ABCA6: variants seen among roughly 807,000 people sequenced by gnomAD.
ABCA6 encodes ATP binding cassette subfamily A member 6.
ABCA6 carries 164 observed loss-of-function variants against 191.2 expected under a neutral mutation model. The ratio of observed to expected loss-of-function variants is 0.86; its 90% confidence interval spans 0.76 to 0.98. The LOEUF (loss-of-function observed/expected upper bound fraction) is 0.98. Among genes scored for constraint, ABCA6 ranks in the 50% least tolerant of loss-of-function variants. The pLI, the probability that ABCA6 is intolerant of heterozygous loss-of-function variation, is 0.00. For missense variants in ABCA6, 1,958 were observed against 1,894.1 expected (o/e 1.03, Z -0.63); for synonymous variants, 636 against 647.7 (o/e 0.98, Z 0.27).
chr17:69,114,862 C>T lies in ABCA6; in HGVS notation c.1682G>A (p.Cys561Tyr), dbSNP rs1382366163. 1.2e-6 allele frequency: 2 copies of T among 1,612,518 alleles called. No individual in the cohort carries two copies. Among genetic ancestry groups the T allele is most frequent in the East Asian group, 2.2e-5 (1 of 44,822 alleles). ...GTCAAATTGAACATTGAATTGAGGA[C>T]AGACGCCAGTTATCTTTCTGATTTC... Reference protein sequence around the residue: ...LEEIRKITGVCPQFNVQFDIL... With the variant: ...LEEIRKITGVYPQFNVQFDIL... Residue 561 changes from cysteine (C) to tyrosine (Y), a missense_variant, in exon 13 of 39, where the codon TGT (cysteine) becomes TAT (tyrosine). Cys to Tyr is a radical substitution (Grantham distance 194). Coordinates refer to ENST00000284425, the MANE Select transcript of ABCA6 (RefSeq NM_080284.3).
chr17:69,082,882 C>T lies in ABCA6; in HGVS notation c.4607G>A (p.Gly1536Glu). The T allele has an allele frequency of 2.5e-6, 4 of 1,614,154 alleles. No homozygotes were observed. Among genetic ancestry groups the T allele is most frequent in the Middle Eastern group, 1.6e-4 (1 of 6,062 alleles). The change falls in exon 36 of 39, where the codon GGG becomes GAG. Residue 1536 changes from glycine to glutamate, a missense_variant. Physicochemically the swap from Gly to Glu is moderately conservative, Grantham distance 98 (BLOSUM62 -2). Coordinates refer to ENST00000284425, the MANE Select transcript of ABCA6 (RefSeq NM_080284.3). ...EILKLFPQAA[G>E]QERYSSLLTY... is the part of the protein sequence containing the mutation. ...CAAAAGCCCGTCTCACCTTTCCTGC[C>T]CTGCAGCCTGTGGGAAAAGCTTCAG...
rs184999513 is a variant in ABCA6 at position 69,096,903 on chromosome 17, T to C, written c.3121-102A>G. The stretch of plus-strand genomic sequence containing the variant: ...ATTGGAAGAATTTTTAAGATAAATA[T>C]AATCTAATCTTCTAATATTAAAAAA... On this transcript the variant is annotated intron_variant, in intron 23 of 38. Transcript: ENST00000284425. 3,980 of 1,005,262 alleles carry C rather than the reference T, an allele frequency of 4.0e-3. 17 individuals carry two copies. The highest frequency in any genetic ancestry group is 5.0e-3 in the Non-Finnish European group (3,633 of 723,680). 62.3% of individuals were successfully genotyped at this position (1,005,262 alleles called of 1,614,324 possible). A position where few individuals can be genotyped will look rare whatever the true frequency, so the allele number is the denominator to read the frequency against.
Position 69,117,966 on chromosome 17 carries a change from C to T in ABCA6, c.1437-10G>A, listed in dbSNP as rs777553071. The T allele has an allele frequency of 2.5e-6, 4 of 1,578,066 alleles. No individual in the cohort carries two copies. In the East Asian group the frequency reaches 6.8e-5, roughly 27 times the overall value. On this transcript the variant is annotated splice_polypyrimidine_tract_variant and intron_variant, in intron 10 of 38. Transcript: ENST00000284425. ...CTTAACATTTCTGATTCTGAAATAA[C>T]AAAAAGGGTGCTTACTTAGCCAACA...
chr17:69,098,084 T>A, intron 22 of ABCA6, 57 bp from the exon 23 acceptor site: 1 of 1,303,712 alleles, frequency 7.7e-7, no homozygotes, highest in South Asian at 1.4e-5. Flanking sequence ...AAACAAATAA[T>A]TATAGCCACA....
intron 21 of ABCA6, 32 bp from the exon 22 acceptor site, chr17:69,100,966 G>C (rs1376837312): frequency 1.3e-6 from 2 of 1,531,312 alleles, no homozygotes; most frequent in South Asian, 2.4e-5. Flanking sequence ...TAATGTTAAT[G>C]CTAAATTCTT....
In ABCA6 at chr17:69,113,616, A is replaced by C. The variant is rs1339138386; in HGVS notation, c.1902+2T>G. 1 of 1,612,880 alleles carries C rather than the reference A, an allele frequency of 6.2e-7. No individual in the cohort carries two copies. The highest frequency in any genetic ancestry group is 8.5e-7 in the Non-Finnish European group (1 of 1,179,292). ...TCCTTCCCCATGCATAATCTCACTT[A>C]CTTGAGGATCTCCTAAAATGGTAAT... On this transcript the variant is annotated splice_donor_variant, in intron 14 of 38. Coordinates refer to ENST00000284425, the MANE Select transcript of ABCA6 (RefSeq NM_080284.3). LOFTEE classifies it high-confidence loss of function.
chr17:69,137,717 A>C (rs2073972491), intron 2 of ABCA6, among the ~76,000 whole-genome samples: 3 of 152,212 alleles, frequency 2.0e-5, no homozygotes, highest in African/African-American at 7.2e-5. Flanking sequence ...AAACTTTTGC[A>C]TTAAATCATG....
rs534384690 is a variant in ABCA6, at chr17:69,098,731, A to G, written c.3013-704T>C. On this transcript the variant is annotated intron_variant, in intron 22 of 38. Transcript: ENST00000284425. ...ATAAACCAGTTACAAAAAGACAAAT[A>G]TTCCACTTATATAAGGTTTCTAAAC... 6 of 152,206 alleles carry G rather than the reference A, an allele frequency of 3.9e-5. No individual in the cohort carries two copies. The South Asian group carries it at 1.0e-3, about 26-fold the overall frequency. The allele number at this position is 152,206 out of a possible 1,614,324, so 9.4% of individuals were successfully genotyped here.
At chr17:69,136,591 C>A (rs776365199) in intron 3 of ABCA6, among the ~76,000 whole-genome samples, 2 of 152,106 alleles carry the variant, frequency 1.3e-5, no homozygotes, top group South Asian at 4.1e-4. Context: ...GTCAGGGATT[C>A]CTTATTTCAG....
At chr17:69,096,218 T>C in intron 25 of ABCA6, 22 bp downstream of exon 25, 1 of 1,185,738 alleles carries the variant, frequency 8.4e-7, no homozygotes. Context: ...TATTTCTCTA[T>C]TTGTATGTAT....
At chr17:69,110,998 A>G in intron 16 of ABCA6, 58 bp from the exon 17 acceptor site, 4 of 1,501,670 alleles carry the variant, frequency 2.7e-6, no homozygotes, top group Non-Finnish European at 3.6e-6. Context: ...ATCACAAAAG[A>G]AGAGCTTTAA....
intron 34 of ABCA6, among the ~76,000 whole-genome samples, 187 bp downstream of exon 34, chr17:69,084,074 T>C (rs1328224555): frequency 6.6e-6 from 1 of 152,220 alleles, no homozygotes; most frequent in Non-Finnish European, 1.5e-5. Context: ...CTTTTTAACC[T>C]GAATACCACG....
At chr17:69,082,328 AACACACACACAC>A (rs61523425) in intron 36 of ABCA6, among the ~76,000 whole-genome samples, 14 of 144,792 alleles carry the variant, frequency 9.7e-5, no homozygotes, top group African/African-American at 2.8e-4. Flanking sequence ...GACATACACA[AACACACACACAC>A]ACACACACAC....
At position 69,138,982 on chromosome 17, in the gene ABCA6, C is replaced by T. The variant is rs1164433849; in HGVS notation, c.97-1482G>A. Among the ~76,000 whole-genome samples, 4 of 152,200 alleles carry T rather than the reference C, an allele frequency of 2.6e-5. No individual in the cohort carries two copies. The East Asian group carries it at 7.7e-4, about 29-fold the overall frequency. ...AAAGACTTAAACGTTAGACCTAAAA[C>T]CATAAAAACCCTAGAAGAAAACCTA... On this transcript the variant is annotated intron_variant, in intron 2 of 38. Transcript: ENST00000284425.
intron 8 of ABCA6, among the ~76,000 whole-genome samples, chr17:69,127,058 G>A (rs549985204): frequency 1.2e-4 from 18 of 152,304 alleles, no homozygotes; most frequent in African/African-American, 4.3e-4. Context: ...GGAAAGGATA[G>A]TCTAGTTGAT....
intron 17 of ABCA6, 31 bp from the exon 18 acceptor site, chr17:69,107,843 G>A: frequency 7.7e-7 from 1 of 1,296,842 alleles, no homozygotes; most frequent in South Asian, 1.2e-5. Flanking sequence ...TAGATACTTT[G>A]GAAAACCACA....
At position 69,137,454 on chromosome 17, in the gene ABCA6, G is replaced by A; in HGVS notation, c.143C>T (p.Ser48Phe). 6.2e-7 allele frequency: 1 copy of A among 1,613,620 alleles called. No homozygotes were observed. Among genetic ancestry groups the A allele is most frequent in the Non-Finnish European group, 8.5e-7 (1 of 1,179,754 alleles). Residue 48 changes from serine (S) to phenylalanine (F), a missense_variant, in exon 3 of 39, where the codon TCC becomes TTC. Ser to Phe is a radical substitution (Grantham distance 155). Transcript: ENST00000284425. ...AAACTGGACATTTCTCATGGAACTG[G>A]AAAACAGAGCAATACACAGTCCTAG... is the stretch of plus-strand genomic sequence containing the variant. ...ILLGLCIALF[S>F]SSMRNVQFPG...
rs1038707587 is a variant in ABCA6 at position 69,106,096 on chromosome 17, C to T, written c.2505G>A (p.Met835Ile). The change falls in exon 19 of 39, where the codon ATG becomes ATA. Residue 835 changes from methionine to isoleucine, a missense_variant. Met to Ile is a conservative substitution (Grantham distance 10, BLOSUM62 1). Coordinates refer to ENST00000284425, the MANE Select transcript of ABCA6 (RefSeq NM_080284.3). ...TAVSDMGLWR[M>I]QVFAMARLRF... ...GGAGCCGTGCCATGGCAAAGACTTGCATTCTCCAGAGGCCCATGTCACTCA... is the reference window on the plus strand; with the variant it reads ...GGAGCCGTGCCATGGCAAAGACTTGTATTCTCCAGAGGCCCATGTCACTCA... 6.2e-7 allele frequency: 1 copy of T among 1,613,840 alleles called. No homozygotes were observed. Among genetic ancestry groups the T allele is most frequent in the Non-Finnish European group, 8.5e-7 (1 of 1,179,856 alleles).
chr17:69,124,823 C>A, intron 9 of ABCA6, 65 bp downstream of exon 9: 1 of 926,642 alleles, frequency 1.1e-6, no homozygotes. Context: ...TCTATATAAT[C>A]TTAAAAAATA....
Sources: gnomAD v4.1 joint callset for allele counts (sites outside exome capture counted in the v4.1 genomes callset) on GRCh38, gnomAD v4.1.1 for gene constraint, MANE v1.5 for transcripts, NCBI Gene and HGNC (gene_info 2026-07-23, HGNC 2026-07-21) for gene names.